The following EPHA3 variants were observed in gnomAD, a reference collection of about 807,000 sequenced individuals.
EPHA3 encodes the protein EPH receptor A3.
EPHA3 carries 42 observed loss-of-function variants against 107.1 expected under a neutral mutation model. The ratio of observed to expected loss-of-function variants is 0.39; its 90% CI spans 0.31 to 0.51. The LOEUF (loss-of-function observed/expected upper bound fraction) is 0.51. Among genes scored for constraint, EPHA3 ranks in the 20% least tolerant of loss-of-function variants. The pLI is 0.78. For synonymous variants in EPHA3, 461 were observed against 424.8 expected (o/e 1.09, Z -1.05); for missense variants, 1,183 against 1,211.2 (o/e 0.98, Z 0.35).
intron 12 of EPHA3, among the ~76,000 whole-genome samples, chr3:89,429,669 T>C (rs1709525049): frequency 6.6e-6 from 1 of 152,012 alleles, no homozygotes. Context: ...ATTTTTTAGA[T>C]TGAGAAGCTT....
At chr3:89,218,107 G>C (rs556843153) in intron 3 of EPHA3, among the ~76,000 whole-genome samples, 103 of 152,194 alleles carry the variant, frequency 6.8e-4, no homozygotes, top group Middle Eastern at 3.4e-3. Flanking sequence ...GGAGGATATA[G>C]TTCTGGCTGT....
At chr3:89,333,325 A>T (rs1473728104) in intron 3 of EPHA3, among the ~76,000 whole-genome samples, 2 of 152,140 alleles carry the variant, frequency 1.3e-5, no homozygotes, top group Non-Finnish European at 2.9e-5. Flanking sequence ...GGTTCCCAAA[A>T]TATTTCTAAT....
chr3:89,260,299 A>G lies in EPHA3; in HGVS notation c.814+49779A>G, dbSNP rs1038000034. ...TTTTCCACAGTGTACATTTTCACCC[A>G]CAGTATACTGGGGTTCTCTTTTCTC... On this transcript the variant is annotated intron_variant, in intron 3 of 16. Transcript: ENST00000336596. Among the ~76,000 whole-genome samples, 9 of 152,222 alleles carry G rather than the reference A, an allele frequency of 5.9e-5. No homozygotes were observed. In the South Asian group the frequency reaches 1.0e-3, roughly 18 times the overall value.
chr3:89,341,477 A>C (rs1017932701), intron 4 of EPHA3, among the ~76,000 whole-genome samples: 1 of 152,214 alleles, frequency 6.6e-6, no homozygotes, highest in African/African-American at 2.4e-5. Flanking sequence ...TTTCATAACT[A>C]TTCACAAGGG....
chr3:89,389,041 A>G lies in EPHA3; in HGVS notation c.1307-6796A>G, dbSNP rs571365607. ...AAGTAGAAAAGTGATCAGTTTTCAG[A>G]AAGTTGAGCTGATTGGCAAGCTGAA... On this transcript the variant is annotated intron_variant, in intron 5 of 16. Transcript: ENST00000336596. Among the ~76,000 whole-genome samples, 6 of 152,332 alleles carry G rather than the reference A, an allele frequency of 3.9e-5. No homozygotes were observed. The South Asian group carries it at 1.0e-3, about 26-fold the overall frequency.
At chr3:89,277,146 T>C (rs1705826744) in intron 3 of EPHA3, among the ~76,000 whole-genome samples, 1 of 152,192 alleles carries the variant, frequency 6.6e-6, no homozygotes, top group South Asian at 2.1e-4. Flanking sequence ...TAGTTTAATA[T>C]GAAGGCATAC....
intron 2 of EPHA3, among the ~76,000 whole-genome samples, chr3:89,140,909 A>G (rs1704417680): frequency 6.6e-6 from 1 of 151,716 alleles, no homozygotes; most frequent in Non-Finnish European, 1.5e-5. Context: ...AAACAATACA[A>G]TAGCTAATAT....
At position 89,300,426 on chromosome 3, in the gene EPHA3, G is replaced by A. The variant is rs1410443643; in HGVS notation, c.815-40490G>A. On this transcript the variant is annotated intron_variant, in intron 3 of 16. Transcript: ENST00000336596. Reference sequence around the variant, plus strand: ...ATATTGACAATGCTACACACACAGAGACATACAACACACAGACATTCACAA... The same window carrying A: ...ATATTGACAATGCTACACACACAGAAACATACAACACACAGACATTCACAA... Among the ~76,000 whole-genome samples, 31 of 151,582 alleles carry A rather than the reference G, an allele frequency of 2.0e-4. 1 individual carries two copies. The highest frequency in any genetic ancestry group is 8.9e-5 in the Non-Finnish European group (6 of 67,790).
chr3:89,111,273 A>G (rs1707099123), intron 1 of EPHA3, among the ~76,000 whole-genome samples: 1 of 152,086 alleles, frequency 6.6e-6, no homozygotes, highest in African/African-American at 2.4e-5. Context: ...TCATTTTTAA[A>G]AATTACAATA....
At chr3:89,213,191 T>C (rs142379787) in intron 3 of EPHA3, among the ~76,000 whole-genome samples, 412 of 152,122 alleles carry the variant, frequency 2.7e-3, no homozygotes, top group Non-Finnish European at 5.3e-3. Context: ...TGAGTGTGAA[T>C]GAACTCAGAA....
chr3:89,425,043 C>T (rs1378394914), intron 11 of EPHA3, among the ~76,000 whole-genome samples: 1 of 151,292 alleles, frequency 6.6e-6, no homozygotes, highest in Non-Finnish European at 1.5e-5. Flanking sequence ...TTGTAACTGG[C>T]ACAGTGGTAG....
chr3:89,471,731 G>C lies in EPHA3; in HGVS notation c.2691-733G>C, dbSNP rs560305928. On this transcript the variant is annotated intron_variant, in intron 15 of 16. Transcript: ENST00000336596. ...TTACAATCCCTCTCTGAGTCTCTGT[G>C]TGTGTGTGTGTATGTGTGTGTGTAT... 1.1e-3 allele frequency among the ~76,000 whole-genome samples: 169 copies of C among 151,946 alleles called. 1 individual carries two copies. The highest frequency in any genetic ancestry group is 3.4e-3 in the African/African-American group (140 of 41,380).
chr3:89,262,963 CTTTTT>C (rs532365863), intron 3 of EPHA3, among the ~76,000 whole-genome samples: 10 of 97,486 alleles, frequency 1.0e-4, no homozygotes, highest in South Asian at 3.3e-4. Flanking sequence ...TTACAGCGCT[CTTTTT>C]TTTTTTTTTT....
chr3:89,399,701 A>G, intron 7 of EPHA3: 1 of 1,243,608 alleles, frequency 8.0e-7, no homozygotes, highest in Non-Finnish European at 1.0e-6. Context: ...CAAATCAAAC[A>G]TATTCTAATG....
At chr3:89,177,038 T>G (rs1031402527) in intron 2 of EPHA3, among the ~76,000 whole-genome samples, 2 of 152,008 alleles carry the variant, frequency 1.3e-5, no homozygotes, top group Non-Finnish European at 2.9e-5. Flanking sequence ...AACCAAACGC[T>G]TACTTATATG....
At chr3:89,207,670 T>G (rs773307562) in intron 2 of EPHA3, among the ~76,000 whole-genome samples, 3 of 152,188 alleles carry the variant, frequency 2.0e-5, no homozygotes, top group Non-Finnish European at 4.4e-5. Context: ...AAATTATTAA[T>G]GCTTTATTGG....
chr3:89,288,666 T>C (rs957906652), intron 3 of EPHA3, among the ~76,000 whole-genome samples: 1 of 152,148 alleles, frequency 6.6e-6, no homozygotes, highest in African/African-American at 2.4e-5. Flanking sequence ...ATTAGTTTCA[T>C]AGTAAATACT....
At chr3:89,202,140 A>G (rs1173996402) in intron 2 of EPHA3, among the ~76,000 whole-genome samples, 3 of 152,028 alleles carry the variant, frequency 2.0e-5, no homozygotes, top group Admixed American at 6.6e-5. Flanking sequence ...AATACAGAAC[A>G]TATTGTCATC....
At chr3:89,371,744 C>A (rs1419343879) in intron 5 of EPHA3, among the ~76,000 whole-genome samples, 1 of 151,138 alleles carries the variant, frequency 6.6e-6, no homozygotes, top group Non-Finnish European at 1.5e-5. Context: ...ACACACACAA[C>A]ACACACACAC....
Sources: gnomAD v4.1 joint callset for allele counts (sites outside exome capture counted in the v4.1 genomes callset) on GRCh38, gnomAD v4.1.1 for gene constraint, MANE v1.5 for transcripts, NCBI Gene and HGNC (gene_info 2026-07-23, HGNC 2026-07-21) for gene names.